RFTN1: variants seen among roughly 807,000 people sequenced by gnomAD.
RFTN1 encodes the protein raftlin, lipid raft linker 1.
In RFTN1, 26 loss-of-function variants were observed where a neutral mutation model predicts 46.5. The ratio of observed to expected loss-of-function variants is 0.56; its 90% CI spans 0.41 to 0.78. The LOEUF (loss-of-function observed/expected upper bound fraction) is 0.78, where lower values mean the gene tolerates loss of function less well. RFTN1 is among the 30% of genes least tolerant of loss of function. The pLI is 0.00. For synonymous variants in RFTN1, 261 were observed against 284.2 expected (o/e 0.92, Z 0.82); for missense variants, 693 against 718.7 (o/e 0.96, Z 0.41).
At position 16,335,991 on chromosome 3, in the gene RFTN1, C is replaced by T. The variant is rs1228257632; in HGVS notation, c.1147-9115G>A. Among the ~76,000 whole-genome samples the T allele has an allele frequency of 6.6e-6, 1 of 152,164 alleles. No homozygotes were observed. The highest frequency in any genetic ancestry group is 1.5e-5 in the Non-Finnish European group (1 of 68,030). On this transcript the variant is annotated intron_variant, in intron 7 of 9. Coordinates refer to ENST00000334133, the MANE Select transcript of RFTN1 (RefSeq NM_015150.2). The surrounding 1 kb of genome is among the most constrained non-coding windows in gnomAD (Gnocchi z 4.7). ...TGGCGCCTTCTCAGGGCTGCCTGGG[C>T]CCTGCTCAGCACACGCTGGCTATAG... is the stretch of plus-strand genomic sequence containing the variant.
At chr3:16,488,338 A>T (rs1303707430) in intron 2 of RFTN1, among the ~76,000 whole-genome samples, 1 of 152,082 alleles carries the variant, frequency 6.6e-6, no homozygotes, top group Non-Finnish European at 1.5e-5. Flanking sequence ...ACCTCAGGTG[A>T]TCCCCCTGCC....
chr3:16,365,679 G>T (rs1311937695), intron 6 of RFTN1, among the ~76,000 whole-genome samples: 1 of 151,934 alleles, frequency 6.6e-6, no homozygotes. Flanking sequence ...ATGTGATGCA[G>T]TGTGGAGAAC....
intron 4 of RFTN1, among the ~76,000 whole-genome samples, chr3:16,397,069 G>GAAAAAAAAAAAAAAAAAAAAAAAAAAAAA (rs11290510): frequency 8.5e-6 from 1 of 117,124 alleles, no homozygotes; most frequent in African/African-American, 3.1e-5. Flanking sequence ...GTCTCAAAAT[G>GAAAAAAAAAAAAAAAAAAAAAAAAAAAAA]AAAAAAAAAA....
chr3:16,327,549 G>A lies in RFTN1; in HGVS notation c.1147-673C>T, dbSNP rs2069832549. Among the ~76,000 whole-genome samples, 1 of 152,034 alleles carries A rather than the reference G, an allele frequency of 6.6e-6. No homozygotes were observed. Among genetic ancestry groups the A allele is most frequent in the Non-Finnish European group, 1.5e-5 (1 of 67,990 alleles). On this transcript the variant is annotated intron_variant, in intron 7 of 9. Coordinates refer to ENST00000334133, the MANE Select transcript of RFTN1 (RefSeq NM_015150.2). This position sits in a 1 kb window ranked among gnomAD's most constrained non-coding sequence, Gnocchi z 4.2. ...CTGAGGCAGGTGGATCACATGGTCAGGAGATCAAGACCATCCTGGCTAACA... is the reference window on the plus strand; with the variant it reads ...CTGAGGCAGGTGGATCACATGGTCAAGAGATCAAGACCATCCTGGCTAACA...
intron 2 of RFTN1, among the ~76,000 whole-genome samples, chr3:16,437,024 T>C (rs2075529924): frequency 6.6e-6 from 1 of 152,250 alleles, no homozygotes; most frequent in Non-Finnish European, 1.5e-5. Flanking sequence ...ATTTTCACCA[T>C]GCTACAAGTT....
chr3:16,356,984 G>A lies in RFTN1; in HGVS notation c.1146+948C>T, dbSNP rs113820911. ...ACAAAAATTAGCTGGGTGTGGTGGC[G>A]GGTGCCTGTAGTCCCAGCTACTCTG... On this transcript the variant is annotated intron_variant, in intron 7 of 9. Transcript: ENST00000334133. This position sits in a 1 kb window ranked among gnomAD's most constrained non-coding sequence, Gnocchi z 4.9. Among the ~76,000 whole-genome samples the A allele has an allele frequency of 0.025, 3,736 of 152,002 alleles. 77 individuals carry two copies. The highest frequency in any genetic ancestry group is 0.04 in the South Asian group (192 of 4,802).
rs970504017 is a variant in RFTN1, at chr3:16,376,269, G to A, written c.826+1449C>T. 1.7e-4 allele frequency among the ~76,000 whole-genome samples: 26 copies of A among 152,244 alleles called. No homozygotes were observed. Among genetic ancestry groups the A allele is most frequent in the African/African-American group, 4.3e-4 (18 of 41,556 alleles). On this transcript the variant is annotated intron_variant, in intron 5 of 9. Coordinates refer to ENST00000334133, the MANE Select transcript of RFTN1 (RefSeq NM_015150.2). This position sits in a 1 kb window ranked among gnomAD's most constrained non-coding sequence, Gnocchi z 4.7. ...TTTAACCTTTCCATGAGAAACTATCGTTCTATCCCCATTTCAAAGGGTGAG... is the reference window on the plus strand; with the variant it reads ...TTTAACCTTTCCATGAGAAACTATCATTCTATCCCCATTTCAAAGGGTGAG...
rs2075292855 is a variant in RFTN1 at position 16,426,515 on chromosome 3, T to C, written c.332+7336A>G. ...AGGCTATAAAAAAAAGATAACATAA[T>C]GCATTTGTACTTCACTTATGGTCCG... On this transcript the variant is annotated intron_variant, in intron 3 of 9. Transcript: ENST00000334133. The surrounding 1 kb of genome is among the most constrained non-coding windows in gnomAD (Gnocchi z 5.9). Among the ~76,000 whole-genome samples the C allele has an allele frequency of 1.3e-5, 2 of 152,210 alleles. No homozygotes were observed. Among genetic ancestry groups the C allele is most frequent in the Non-Finnish European group, 2.9e-5 (2 of 68,048 alleles).
At chr3:16,431,234 C>A (rs1240244875) in intron 3 of RFTN1, among the ~76,000 whole-genome samples, 1 of 152,214 alleles carries the variant, frequency 6.6e-6, no homozygotes, top group Admixed American at 6.5e-5. Flanking sequence ...CTGGTGCTTA[C>A]AGCTCTCCTA....
intron 2 of RFTN1, among the ~76,000 whole-genome samples, chr3:16,435,936 A>G (rs1156282313): frequency 1.3e-5 from 2 of 149,478 alleles, no homozygotes; most frequent in Non-Finnish European, 3.0e-5. Context: ...ATATATATAT[A>G]TATATATATC....
rs538155248 is a variant in RFTN1 at position 16,399,674 on chromosome 3, C to A, written c.441+9701G>T. 4.6e-5 allele frequency among the ~76,000 whole-genome samples: 7 copies of A among 152,318 alleles called. No homozygotes were observed. The East Asian group carries it at 1.3e-3, about 29-fold the overall frequency. ...CCTTCCTGGGCGATTTCATCCATGA[C>A]CGTGGTTTCAGTTACCATCTGCCAG... On this transcript the variant is annotated intron_variant, in intron 4 of 9. Coordinates refer to ENST00000334133, the MANE Select transcript of RFTN1 (RefSeq NM_015150.2).
At chr3:16,366,970 C>T (rs1220464707) in intron 6 of RFTN1, among the ~76,000 whole-genome samples, 1 of 152,208 alleles carries the variant, frequency 6.6e-6, no homozygotes, top group Non-Finnish European at 1.5e-5. Context: ...AACTTGAGGA[C>T]TGTACAAGTC....
rs904388976 is a variant in RFTN1 at position 16,451,728 on chromosome 3, C to T, written c.146-17691G>A. 2.6e-5 allele frequency among the ~76,000 whole-genome samples: 4 copies of T among 152,146 alleles called. No individual in the cohort carries two copies. Among genetic ancestry groups the T allele is most frequent in the South Asian group, 4.1e-4 (2 of 4,822 alleles). On this transcript the variant is annotated intron_variant, in intron 2 of 9. Coordinates refer to ENST00000334133, the MANE Select transcript of RFTN1 (RefSeq NM_015150.2). This position sits in a 1 kb window ranked among gnomAD's most constrained non-coding sequence, Gnocchi z 4.2. ...TGAGGTGTGACAGCAAAACTACTAG[C>T]GTGATTTTTTTTTCCTTCCTCACAA...
chr3:16,391,788 TGGATTGA>T (rs1341722242), intron 4 of RFTN1, among the ~76,000 whole-genome samples: 2 of 150,444 alleles, frequency 1.3e-5, no homozygotes, highest in Admixed American at 1.3e-4. Context: ...ATTTAAAAGC[TGGATTGA>T]CCATAGACTC....
intron 4 of RFTN1, among the ~76,000 whole-genome samples, chr3:16,391,904 C>T (rs1049490632): frequency 2.5e-4 from 22 of 89,230 alleles, no homozygotes; most frequent in East Asian, 1.6e-3. Flanking sequence ...GTTTTTTTTA[C>T]GGGGAAGAAA....
rs1035912868 is a variant in RFTN1, at chr3:16,424,293, T to G, written c.332+9558A>C. Among the ~76,000 whole-genome samples the G allele has an allele frequency of 1.3e-5, 2 of 152,172 alleles. No homozygotes were observed. Among genetic ancestry groups the G allele is most frequent in the African/African-American group, 4.8e-5 (2 of 41,438 alleles). ...CCACTCCAAACTTCGGACTGAGAAG[T>G]CGTTAATGACTTCTTCAGCCTCATT... is the stretch of plus-strand genomic sequence containing the variant. On this transcript the variant is annotated intron_variant, in intron 3 of 9. Transcript: ENST00000334133. The surrounding 1 kb of genome is among the most constrained non-coding windows in gnomAD (Gnocchi z 4.7).
At position 16,385,014 on chromosome 3, in the gene RFTN1, C is replaced by T. The variant is rs545119180; in HGVS notation, c.442-6912G>A. ...TAAATCCAAGACTCACATCCACATA[C>T]TTATATACCCTAGATCAGACCACTG... On this transcript the variant is annotated intron_variant, in intron 4 of 9. Coordinates refer to ENST00000334133, the MANE Select transcript of RFTN1 (RefSeq NM_015150.2). The surrounding 1 kb of genome is among the most constrained non-coding windows in gnomAD (Gnocchi z 5.0). Among the ~76,000 whole-genome samples the T allele has an allele frequency of 2.7e-3, 408 of 152,264 alleles. 1 individual carries two copies. The highest frequency in any genetic ancestry group is 4.1e-3 in the Non-Finnish European group (277 of 68,006).
In RFTN1 at chr3:16,385,123, G is replaced by T. The variant is rs6773297; in HGVS notation, c.442-7021C>A. 0.014 allele frequency among the ~76,000 whole-genome samples: 2,205 copies of T among 152,248 alleles called. 56 individuals are homozygous for T. Among genetic ancestry groups the T allele is most frequent in the African/African-American group, 0.05 (2,060 of 41,530 alleles). On this transcript the variant is annotated intron_variant, in intron 4 of 9. Transcript: ENST00000334133. The surrounding 1 kb of genome is among the most constrained non-coding windows in gnomAD (Gnocchi z 5.0). ...CACACGCAGGGAGCCCACAGCAGAGGCATGCCCTAGGTGTCAAGAACAGGT... is the reference window on the plus strand; with the variant it reads ...CACACGCAGGGAGCCCACAGCAGAGTCATGCCCTAGGTGTCAAGAACAGGT...
rs889874843 is a variant in RFTN1 at position 16,335,900 on chromosome 3, G to A, written c.1147-9024C>T. On this transcript the variant is annotated intron_variant, in intron 7 of 9. Coordinates refer to ENST00000334133, the MANE Select transcript of RFTN1 (RefSeq NM_015150.2). The surrounding 1 kb of genome is among the most constrained non-coding windows in gnomAD (Gnocchi z 4.7). The stretch of plus-strand genomic sequence containing the variant: ...CTCAGGAGGCCACAGGCAGGACTCC[G>A]CAGGAGGGAAGTGGCCGACAGCAAG... 2.6e-5 allele frequency among the ~76,000 whole-genome samples: 4 copies of A among 152,192 alleles called. No homozygotes were observed. The highest frequency in any genetic ancestry group is 1.9e-4 in the East Asian group (1 of 5,202).
Sources: allele counts gnomAD v4.1 joint callset (sites outside exome capture counted in the v4.1 genomes callset), GRCh38; gene constraint gnomAD v4.1.1; non-coding constraint Gnocchi (gnomAD v3.1); transcripts MANE v1.5; gene names NCBI Gene and HGNC (gene_info 2026-07-23, HGNC 2026-07-21).